The following NAV3 variants were observed in gnomAD, a reference collection of about 807,000 sequenced individuals.
NAV3 encodes pore membrane and/or filament interacting like protein 1.
Under a neutral mutation model 244.7 loss-of-function variants are expected in NAV3, and 87 were observed. The ratio of observed to expected loss-of-function variants is 0.36; its 90% CI spans 0.30 to 0.42. The LOEUF is 0.42. NAV3 is among the 20% of genes least tolerant of loss of function. The pLI is 1.00. For synonymous variants in NAV3, 1,126 were observed against 1,042.2 expected (o/e 1.08, Z -1.55); for missense variants, 2,663 against 2,893.3 (o/e 0.92, Z 1.83).
At chr12:77,642,007 A>G (rs892454909) in intron 2 of NAV3, among the ~76,000 whole-genome samples, 2 of 152,118 alleles carry the variant, frequency 1.3e-5, no homozygotes, top group African/African-American at 2.4e-5. Flanking sequence ...ATAGATCGGC[A>G]GCCAGGCCTA....
chr12:78,092,175 A>G (rs1593543152), intron 12 of NAV3, among the ~76,000 whole-genome samples: 1 of 152,186 alleles, frequency 6.6e-6, no homozygotes, highest in South Asian at 2.1e-4. Flanking sequence ...GGTTACTTTA[A>G]CATTGCAAAC....
chr12:78,020,909 C>T (rs535505263), intron 8 of NAV3, among the ~76,000 whole-genome samples: 3 of 152,192 alleles, frequency 2.0e-5, no homozygotes, highest in African/African-American at 7.2e-5. Context: ...GTGTGCAATC[C>T]TATATTACCT....
intron 2 of NAV3, among the ~76,000 whole-genome samples, chr12:77,726,601 A>G (rs1380587083): frequency 6.6e-6 from 1 of 151,928 alleles, no homozygotes; most frequent in African/African-American, 2.4e-5. Flanking sequence ...TATTTCTTCA[A>G]TGGAGAGTCA....
intron 2 of NAV3, among the ~76,000 whole-genome samples, chr12:77,598,251 A>G (rs181884123): frequency 1.3e-5 from 2 of 152,154 alleles, no homozygotes; most frequent in Non-Finnish European, 2.9e-5. Flanking sequence ...AATAAATATT[A>G]GTTTACAAGA....
chr12:78,150,631 TCACACACACACACACA>T (rs34534100), intron 22 of NAV3, among the ~76,000 whole-genome samples: 1 of 144,228 alleles, frequency 6.9e-6, no homozygotes, highest in Non-Finnish European at 1.5e-5. Context: ...AAAAGCTTCC[TCACACACACACACACA>T]CACACACACA....
intron 8 of NAV3, among the ~76,000 whole-genome samples, chr12:78,008,216 A>C (rs1398106684): frequency 6.6e-6 from 1 of 151,114 alleles, no homozygotes; most frequent in Admixed American, 6.6e-5. Context: ...TGTATTACTG[A>C]TTTGTTTTTT....
chr12:78,046,625 T>G (rs1881842560), intron 9 of NAV3, among the ~76,000 whole-genome samples: 1 of 152,210 alleles, frequency 6.6e-6, no homozygotes, highest in Admixed American at 6.5e-5. Flanking sequence ...TTCTTTTGCA[T>G]TTGCTGAGGA....
chr12:78,188,185 A>C, intron 31 of NAV3, 63 bp from the exon 32 acceptor site: 3 of 1,217,848 alleles, frequency 2.5e-6, no homozygotes, highest in Non-Finnish European at 3.6e-6. Flanking sequence ...TTTTAGTAGA[A>C]AATGTAGTAA....
At chr12:78,160,524 T>C (rs12822237) in intron 23 of NAV3, among the ~76,000 whole-genome samples, 3,557 of 152,160 alleles carry the variant, frequency 0.023, 151 homozygotes, top group African/African-American at 0.08. Context: ...TTTTCAAGAA[T>C]GCGTTCCTCT....
At chr12:78,185,748 G>A (rs750184620) in intron 31 of NAV3, 50 bp downstream of exon 31, 117 of 1,467,192 alleles carry the variant, frequency 8.0e-5, no homozygotes, top group Non-Finnish European at 1.1e-4. Flanking sequence ...GAATTACCAT[G>A]AGTCAAGTGT....
intron 2 of NAV3, among the ~76,000 whole-genome samples, chr12:77,680,846 AAG>A (rs1874419393): frequency 6.6e-6 from 1 of 152,210 alleles, no homozygotes; most frequent in Non-Finnish European, 1.5e-5. Flanking sequence ...AAGCTGAAGG[AAG>A]AGTCACATAT....
chr12:78,130,181 G>A (rs549900408), intron 18 of NAV3, among the ~76,000 whole-genome samples: 100 of 152,226 alleles, frequency 6.6e-4, no homozygotes, highest in Non-Finnish European at 1.2e-3. Flanking sequence ...TAAACAGAGT[G>A]TAATATTAAA....
intron 12 of NAV3, among the ~76,000 whole-genome samples, chr12:78,063,996 T>C (rs79319392): frequency 1.3e-5 from 2 of 152,264 alleles, no homozygotes; most frequent in East Asian, 3.9e-4. Context: ...CTATAATCAT[T>C]GTATTTTAAA....
intron 12 of NAV3, among the ~76,000 whole-genome samples, chr12:78,093,215 G>T (rs1464139741): frequency 6.6e-6 from 1 of 152,160 alleles, no homozygotes; most frequent in African/African-American, 2.4e-5. Flanking sequence ...GCAAATTCAG[G>T]TGTAGGTTTT....
In NAV3 at chr12:77,966,614, A is replaced by C. The variant is rs139749041; in HGVS notation, c.487+313A>C. ...AGATTTCTTAAGTAGATGAATAGAT[A>C]ATTAGATAAATGTTGGATGGACATA... On this transcript the variant is annotated intron_variant, in intron 4 of 39. Transcript: ENST00000397909. Among the ~76,000 whole-genome samples, 4 of 152,264 alleles carry C rather than the reference A, an allele frequency of 2.6e-5. No homozygotes were observed. In the East Asian group the frequency reaches 7.7e-4, roughly 29 times the overall value.
At chr12:77,644,049 A>G (rs1338491411) in intron 2 of NAV3, among the ~76,000 whole-genome samples, 1 of 152,146 alleles carries the variant, frequency 6.6e-6, no homozygotes, top group Non-Finnish European at 1.5e-5. Flanking sequence ...ACATATGCAT[A>G]CATATAGAGA....
chr12:77,981,838 A>T (rs978203790), intron 5 of NAV3, among the ~76,000 whole-genome samples: 1 of 152,048 alleles, frequency 6.6e-6, no homozygotes, highest in South Asian at 2.1e-4. Flanking sequence ...ATGTGATATC[A>T]TAATTAGGCA....
At chr12:77,866,366 T>TG (rs936917500) in intron 1 of NAV3, among the ~76,000 whole-genome samples, 70 of 152,308 alleles carry the variant, frequency 4.6e-4, no homozygotes, top group African/African-American at 1.6e-3. Flanking sequence ...AAAAAGAACT[T>TG]ACTACATCAC....
intron 2 of NAV3, among the ~76,000 whole-genome samples, chr12:77,713,130 T>C: frequency 6.6e-6 from 1 of 151,752 alleles, no homozygotes; most frequent in African/African-American, 2.4e-5. Context: ...CACACTTCAC[T>C]TAAGGGCCAC....
Sources: allele counts gnomAD v4.1 joint callset (sites outside exome capture counted in the v4.1 genomes callset), GRCh38; gene constraint gnomAD v4.1.1; transcripts MANE v1.5; gene names NCBI Gene and HGNC (gene_info 2026-07-23, HGNC 2026-07-21).